SUZ12: variants seen among roughly 807,000 people sequenced by gnomAD.
SUZ12 encodes the protein SUZ12 polycomb repressive complex 2 subunit.
Under a neutral mutation model 87.3 loss-of-function variants are expected in SUZ12, and 17 were observed. That is an observed-to-expected ratio of 0.19 (90% CI 0.13 to 0.29). SUZ12 has a LOEUF of 0.29. SUZ12 is among the 10% of genes least tolerant of loss of function. The pLI, the probability that SUZ12 is intolerant of heterozygous loss-of-function variation, is 1.00. For missense variants in SUZ12, 526 were observed against 912.2 expected (o/e 0.58, Z 5.45); for synonymous variants, 253 against 312.4 (o/e 0.81, Z 2.01).
chr17:31,968,783 T>A (rs766867769), intron 5 of SUZ12, among the ~76,000 whole-genome samples: 3 of 152,212 alleles, frequency 2.0e-5, no homozygotes, highest in Non-Finnish European at 2.9e-5. Context: ...ATAATTTGAA[T>A]TTTATACATT....
At chr17:31,995,423 G>A (rs1909923984) in intron 13 of SUZ12, 141 bp from the exon 14 acceptor site, 4 of 613,176 alleles carry the variant, frequency 6.5e-6, no homozygotes, top group Non-Finnish European at 8.5e-6. Context: ...ACTAGTGGGG[G>A]TGTGCCTCTA....
At chr17:31,998,115 T>C (rs1250992155) in intron 15 of SUZ12, among the ~76,000 whole-genome samples, 1 of 149,752 alleles carries the variant, frequency 6.7e-6, no homozygotes, top group Non-Finnish European at 1.5e-5. Context: ...AGTCTCTCTC[T>C]CTCGTCCAGG....
At chr17:31,957,385 A>G (rs185648458) in intron 4 of SUZ12, among the ~76,000 whole-genome samples, 1 of 151,128 alleles carries the variant, frequency 6.6e-6, no homozygotes, top group Non-Finnish European at 1.5e-5. Context: ...GATTACAGAC[A>G]TGCACCACCA....
intron 9 of SUZ12, among the ~76,000 whole-genome samples, chr17:31,983,551 A>T (rs1013085867): frequency 6.6e-6 from 1 of 152,066 alleles, no homozygotes; most frequent in African/African-American, 2.4e-5. Flanking sequence ...AAGCGCTGGG[A>T]TTACAGGCAT....
At chr17:31,995,448 TG>T (rs1445536426) in intron 13 of SUZ12, 115 bp from the exon 14 acceptor site, 9 of 751,414 alleles carry the variant, frequency 1.2e-5, no homozygotes, top group Non-Finnish European at 1.7e-5. Flanking sequence ...TATTGTTTTA[TG>T]GTTAGTTTTA....
chr17:31,953,490 AT>A (rs1907107508), intron 4 of SUZ12, among the ~76,000 whole-genome samples: 1 of 151,902 alleles, frequency 6.6e-6, no homozygotes, highest in South Asian at 2.1e-4. Context: ...TCACTGATGG[AT>A]TGAACTTGTG....
At chr17:31,984,721 G>A (rs931615319) in intron 9 of SUZ12, among the ~76,000 whole-genome samples, 4 of 152,178 alleles carry the variant, frequency 2.6e-5, no homozygotes, top group African/African-American at 7.2e-5. Context: ...GACTTTTAAA[G>A]CAGTACTCAA....
chr17:31,994,455 C>A, intron 12 of SUZ12, 109 bp from the exon 13 acceptor site: 1 of 1,020,030 alleles, frequency 9.8e-7, no homozygotes, highest in Non-Finnish European at 1.3e-6. Context: ...GTGTGCCTGG[C>A]CTATTTTAGT....
intron 4 of SUZ12, among the ~76,000 whole-genome samples, chr17:31,951,772 A>G (rs1164855685): frequency 4.7e-5 from 6 of 127,240 alleles, no homozygotes; most frequent in African/African-American, 1.6e-4. Context: ...CACCGCGCCC[A>G]GCCTTTTTTT....
intron 3 of SUZ12, among the ~76,000 whole-genome samples, chr17:31,945,342 T>A (rs1567812693): frequency 6.6e-6 from 1 of 152,176 alleles, no homozygotes; most frequent in Non-Finnish European, 1.5e-5. Flanking sequence ...AGTCGTGATA[T>A]TAATTCTGGT....
chr17:31,951,097 T>C (rs575544058), intron 4 of SUZ12, among the ~76,000 whole-genome samples: 1 of 152,270 alleles, frequency 6.6e-6, no homozygotes, highest in South Asian at 2.1e-4. Context: ...TTTGTACTAT[T>C]TCAGTTTGAC....
rs1906427532 is a variant in SUZ12, at chr17:31,943,492, TA to T, written c.386+3007del. 2.0e-5 allele frequency among the ~76,000 whole-genome samples: 3 copies of T among 152,220 alleles called. No individual in the cohort carries two copies. The South Asian group carries it at 6.2e-4, about 32-fold the overall frequency. Reference sequence around the variant, plus strand: ...AATGAGAATTTTATTTTTGTGAGGGTAGGGGAGATAACATTTAGCTGAATTG... The same window carrying T: ...AATGAGAATTTTATTTTTGTGAGGGTGGGGAGATAACATTTAGCTGAATTG... On this transcript the variant is annotated intron_variant, in intron 3 of 15. Coordinates refer to ENST00000322652, the MANE Select transcript of SUZ12 (RefSeq NM_015355.4).
intron 4 of SUZ12, among the ~76,000 whole-genome samples, chr17:31,956,986 A>G (rs1034943330): frequency 2.0e-5 from 3 of 152,200 alleles, no homozygotes; most frequent in South Asian, 2.1e-4. Context: ...GTGTTAGCCA[A>G]TCTGGTCTTG....
At chr17:31,959,344 AT>A (rs1242449288) in intron 4 of SUZ12, among the ~76,000 whole-genome samples, 1 of 152,182 alleles carries the variant, frequency 6.6e-6, no homozygotes, top group Non-Finnish European at 1.5e-5. Context: ...TTTTGTAGTA[AT>A]TCCTTTGTTT....
chr17:31,957,563 C>A (rs994331480), intron 4 of SUZ12, among the ~76,000 whole-genome samples: 3 of 151,930 alleles, frequency 2.0e-5, no homozygotes, highest in African/African-American at 7.3e-5. Flanking sequence ...AGGTGCCTGC[C>A]ACCACGCCTA....
At chr17:31,951,500 T>TG (rs1906976048) in intron 4 of SUZ12, among the ~76,000 whole-genome samples, 1 of 146,962 alleles carries the variant, frequency 6.8e-6, no homozygotes, top group African/African-American at 2.4e-5. Flanking sequence ...TTTTTTTTTT[T>TG]GAGACGGAGT....
rs145801482 is a variant in SUZ12 at position 31,975,637 on chromosome 17, G to A, written c.747G>A (p.Ser249=). ...PSNSHMVKSY[S]LLFRVTRPGR... is the part of the protein sequence containing the mutation. ...ACAGCCATATGGTGAAGTCTTACTC[G>A]TTGCTATTTAGAGTGACTCGTCCAG... Residue 249 remains serine (S), a synonymous_variant, in exon 7 of 16, where the codon TCG becomes TCA. Transcript: ENST00000322652. 1.5e-4 allele frequency: 248 copies of A among 1,613,890 alleles called. No homozygotes were observed. The highest frequency in any genetic ancestry group is 9.4e-4 in the South Asian group (86 of 91,072).
intron 5 of SUZ12, among the ~76,000 whole-genome samples, chr17:31,968,587 A>C (rs1205061269): frequency 6.6e-6 from 1 of 152,192 alleles, no homozygotes; most frequent in Non-Finnish European, 1.5e-5. Flanking sequence ...TTAGCAGCTA[A>C]TGTAACTTCT....
chr17:31,958,120 T>C, intron 4 of SUZ12, among the ~76,000 whole-genome samples: 1 of 151,524 alleles, frequency 6.6e-6, no homozygotes, highest in Non-Finnish European at 1.5e-5. Context: ...AGCCAGGATG[T>C]CTCAATCTCC....
Sources: gnomAD v4.1 joint callset for allele counts (sites outside exome capture counted in the v4.1 genomes callset) on GRCh38, gnomAD v4.1.1 for gene constraint, MANE v1.5 for transcripts, NCBI Gene and HGNC (gene_info 2026-07-23, HGNC 2026-07-21) for gene names.